UNC80: variants seen among roughly 807,000 people sequenced by gnomAD.
UNC80 encodes unc-80 subunit of NALCN channel complex.
In UNC80, 164 loss-of-function variants were observed where a neutral mutation model predicts 384.6. That is an observed-to-expected ratio of 0.43 (90% CI 0.38 to 0.49). The LOEUF (loss-of-function observed/expected upper bound fraction) is 0.49. Among genes scored for constraint, UNC80 ranks in the 20% least tolerant of loss-of-function variants. The probability of loss-of-function intolerance (pLI) is 0.00; values close to 1 mark genes in which losing one functional copy is unlikely to be tolerated. For missense variants in UNC80, 3,330 were observed against 4,143.0 expected (o/e 0.80, Z 5.39); for synonymous variants, 1,486 against 1,527.8 (o/e 0.97, Z 0.64).
intron 7 of UNC80, among the ~76,000 whole-genome samples, chr2:209,805,627 C>T (rs2078844060): frequency 6.6e-6 from 1 of 152,208 alleles, no homozygotes; most frequent in South Asian, 2.1e-4. Flanking sequence ...TAGGGCTGCT[C>T]ATAACATAGA....
chr2:209,777,394 C>T lies in UNC80; in HGVS notation c.435C>T (p.Ser145=). ...GAGGCTCCAGCTGGGGTGGAAGCAGCAGTGCTTTCATCCACCAGGTTGAAA... is the reference window on the plus strand; with the variant it reads ...GAGGCTCCAGCTGGGGTGGAAGCAGTAGTGCTTTCATCCACCAGGTTGAAA... ...TDRGSSWGGS[S]SAFIHQVENQ... The change falls in exon 4 of 65, where the codon AGC becomes AGT. Residue 145 remains serine, a synonymous_variant. Coordinates refer to ENST00000673920, the MANE Select transcript of UNC80 (RefSeq NM_001371986.1). The T allele has an allele frequency of 6.2e-7, 1 of 1,614,204 alleles. No homozygotes were observed. The highest frequency in any genetic ancestry group is 8.5e-7 in the Non-Finnish European group (1 of 1,180,044).
At chr2:209,979,294 C>T (rs1269484285) in intron 59 of UNC80, among the ~76,000 whole-genome samples, 2 of 147,120 alleles carry the variant, frequency 1.4e-5, no homozygotes, top group African/African-American at 4.9e-5. Flanking sequence ...TTCTTTAAAC[C>T]TATATAGTCA....
chr2:209,930,518 G>A (rs1027264887), intron 37 of UNC80, among the ~76,000 whole-genome samples: 1 of 152,116 alleles, frequency 6.6e-6, no homozygotes, highest in Non-Finnish European at 1.5e-5. Flanking sequence ...CTAGTCTCTT[G>A]TAACCTCTCT....
intron 51 of UNC80, among the ~76,000 whole-genome samples, chr2:209,961,770 C>T (rs2092598663): frequency 6.6e-6 from 1 of 152,004 alleles, no homozygotes; most frequent in Non-Finnish European, 1.5e-5. Context: ...CTTGTAGGGG[C>T]CAAGGGAAAA....
rs1455550878 is a variant in UNC80 at position 209,926,708 on chromosome 2, C to T, written c.5663-135C>T. The T allele has an allele frequency of 1.6e-5, 17 of 1,082,824 alleles. No individual in the cohort carries two copies. The East Asian group carries it at 1.6e-4, about 10-fold the overall frequency. The allele number at this position is 1,082,824 out of a possible 1,614,324, so 67.1% of individuals were successfully genotyped here. On this transcript the variant is annotated intron_variant, in intron 35 of 64. Coordinates refer to ENST00000673920, the MANE Select transcript of UNC80 (RefSeq NM_001371986.1). Reference sequence around the variant, plus strand: ...GGAGGATCTCTTGAGCCCAAGAAGTCGAGGCTGCAGTGAGCAGTGATCATG... The same window carrying T: ...GGAGGATCTCTTGAGCCCAAGAAGTTGAGGCTGCAGTGAGCAGTGATCATG...
intron 26 of UNC80, among the ~76,000 whole-genome samples, chr2:209,889,962 C>G (rs145231899): frequency 1.3e-5 from 2 of 152,132 alleles, no homozygotes; most frequent in Admixed American, 6.6e-5. Context: ...CCACCTGCCT[C>G]GGCCTCCCAA....
intron 22 of UNC80, among the ~76,000 whole-genome samples, chr2:209,867,981 T>C (rs1464625613): frequency 1.3e-5 from 2 of 152,202 alleles, no homozygotes; most frequent in Admixed American, 6.5e-5. Context: ...ATTAGCATGA[T>C]CTGAGTAAGT....
At chr2:209,835,210 C>T (rs897941815) in intron 18 of UNC80, among the ~76,000 whole-genome samples, 200 bp downstream of exon 18, 1 of 152,200 alleles carries the variant, frequency 6.6e-6, no homozygotes, top group African/African-American at 2.4e-5. Context: ...TGAGAAGCCT[C>T]CCTAACTACA....
rs1288816379 is a variant in UNC80 at position 209,976,086 on chromosome 2, G to A, written c.8588-33G>A. The A allele has an allele frequency of 2.0e-5, 30 of 1,534,104 alleles. No individual in the cohort carries two copies. Among genetic ancestry groups the A allele is most frequent in the East Asian group, 1.5e-4 (6 of 40,686 alleles). Reference sequence around the variant, plus strand: ...TTGGGTTCCTCGGAAGCACACGTCCGCAGGCTCATTTTTCTCTTTTCCCGG... The same window carrying A: ...TTGGGTTCCTCGGAAGCACACGTCCACAGGCTCATTTTTCTCTTTTCCCGG... On this transcript the variant is annotated intron_variant, in intron 56 of 64. Coordinates refer to ENST00000673920, the MANE Select transcript of UNC80 (RefSeq NM_001371986.1). The surrounding 1 kb of genome is among the most constrained non-coding windows in gnomAD (Gnocchi z 4.3).
intron 38 of UNC80, among the ~76,000 whole-genome samples, chr2:209,933,499 ACTT>A (rs2091037202): frequency 7.3e-6 from 1 of 137,282 alleles, no homozygotes; most frequent in Non-Finnish European, 1.5e-5. Flanking sequence ...GCTTGGACAA[ACTT>A]CTTATACAGA....
chr2:209,951,905 C>T (rs1249946450), intron 47 of UNC80, among the ~76,000 whole-genome samples: 1 of 152,004 alleles, frequency 6.6e-6, no homozygotes, highest in Non-Finnish European at 1.5e-5. Context: ...TCATTTCTCC[C>T]CTCTGTTCTG....
chr2:209,862,598 T>A (rs1235725366), intron 22 of UNC80, among the ~76,000 whole-genome samples: 1 of 151,820 alleles, frequency 6.6e-6, no homozygotes, highest in Non-Finnish European at 1.5e-5. Context: ...TCTTTTTTGA[T>A]CTTTGTTGGT....
At chr2:209,909,022 A>G (rs2088601482) in intron 29 of UNC80, among the ~76,000 whole-genome samples, 1 of 152,146 alleles carries the variant, frequency 6.6e-6, no homozygotes, top group South Asian at 2.1e-4. Flanking sequence ...AGAAGAAGAA[A>G]TATATAAATA....
At chr2:209,934,127 G>A in intron 39 of UNC80, 122 bp downstream of exon 39, 1 of 934,394 alleles carries the variant, frequency 1.1e-6, no homozygotes. Context: ...CCAGTATTGA[G>A]TGCTTCAAAG....
intron 7 of UNC80, among the ~76,000 whole-genome samples, chr2:209,799,494 A>G (rs1380645453): frequency 6.6e-6 from 1 of 152,156 alleles, no homozygotes; most frequent in African/African-American, 2.4e-5. Flanking sequence ...GGTTTTCTAT[A>G]TAAAAATTAT....
Position 209,995,405 on chromosome 2 carries a change from T to G in UNC80, c.9785T>G (p.Leu3262Arg). 1 of 1,551,988 alleles carries G rather than the reference T, an allele frequency of 6.4e-7. No individual in the cohort carries two copies. The highest frequency in any genetic ancestry group is 8.7e-7 in the Non-Finnish European group (1 of 1,147,048). Residue 3262 changes from leucine to arginine, a missense_variant, in exon 65 of 65, where the codon CTC becomes CGC. Leu to Arg is a moderately radical substitution (Grantham distance 102, BLOSUM62 -2). This residue lies in a region of UNC80 where 236 missense variants were observed against 254.9 expected (regional missense o/e 0.93). Coordinates refer to ENST00000673920, the MANE Select transcript of UNC80 (RefSeq NM_001371986.1). ...CAAGGTGCTACTGCACACAGTCCAC[T>G]CTCTGCCCAACTCTCTGACCCTGAT... Reference protein sequence around the residue: ...EAQGATAHSPLSAQLSDPDDF... With the variant: ...EAQGATAHSPRSAQLSDPDDF...
At chr2:209,993,800 A>T (rs996629549) in intron 63 of UNC80, among the ~76,000 whole-genome samples, 2 of 152,194 alleles carry the variant, frequency 1.3e-5, no homozygotes, top group Admixed American at 1.3e-4. Flanking sequence ...GTTATGAGGA[A>T]TGATCAACTT....
chr2:209,822,569 G>A lies in UNC80; in HGVS notation c.2331+1890G>A, dbSNP rs568742046. 3.9e-5 allele frequency among the ~76,000 whole-genome samples: 6 copies of A among 152,218 alleles called. No homozygotes were observed. In the South Asian group the frequency reaches 1.2e-3, roughly 32 times the overall value. ...GGGAAATTAGAAACCAAAAAAAAGA[G>A]AATATTATGAAATATTGATAAGCTT... On this transcript the variant is annotated intron_variant, in intron 13 of 64. Coordinates refer to ENST00000673920, the MANE Select transcript of UNC80 (RefSeq NM_001371986.1).
At chr2:209,901,540 G>T (rs2087402205) in intron 28 of UNC80, among the ~76,000 whole-genome samples, 1 of 152,194 alleles carries the variant, frequency 6.6e-6, no homozygotes, top group South Asian at 2.1e-4. Context: ...TGTGCAAGAA[G>T]ATTAATGTTG....
Sources: allele counts gnomAD v4.1 joint callset (sites outside exome capture counted in the v4.1 genomes callset), GRCh38; gene constraint gnomAD v4.1.1; regional missense constraint gnomAD v4.1.1; non-coding constraint Gnocchi (gnomAD v3.1); transcripts MANE v1.5; gene names NCBI Gene and HGNC (gene_info 2026-07-23, HGNC 2026-07-21).